Variants in FOXP2 observed in about 807,000 individuals in gnomAD.
FOXP2 encodes the protein forkhead box P2, also known as forkhead box protein P2.
FOXP2 carries 12 observed loss-of-function variants against 115.8 expected under a neutral mutation model. The ratio of observed to expected loss-of-function variants is 0.10; its 90% confidence interval spans 0.07 to 0.17. The LOEUF (loss-of-function observed/expected upper bound fraction) is 0.17. FOXP2 is among the 10% of genes least tolerant of loss of function. FOXP2 has a pLI of 1.00. For missense variants in FOXP2, 629 were observed against 843.5 expected (o/e 0.75, Z 3.15); for synonymous variants, 328 against 297.7 (o/e 1.10, Z -1.05).
At chr7:114,548,045 G>A (rs547635527) in intron 3 of FOXP2, among the ~76,000 whole-genome samples, 1 of 152,296 alleles carries the variant, frequency 6.6e-6, no homozygotes, top group African/African-American at 2.4e-5. Flanking sequence ...TCAAGGATGA[G>A]ACAGAGGACC....
At chr7:114,471,554 T>C (rs1318662568) in intron 2 of FOXP2, among the ~76,000 whole-genome samples, 2 of 152,206 alleles carry the variant, frequency 1.3e-5, no homozygotes, top group African/African-American at 2.4e-5. Flanking sequence ...AATATTGTCT[T>C]CCTCATGAAA....
chr7:114,536,397 C>CTTTTTTTTTTTTTTTTTTT (rs3997242), intron 3 of FOXP2, among the ~76,000 whole-genome samples: 3 of 112,372 alleles, frequency 2.7e-5, no homozygotes, highest in Non-Finnish European at 5.5e-5. Context: ...TTTTTCTTTT[C>CTTTTTTTTTTTTTTTTTTT]TTTTTTTTTT....
intron 2 of FOXP2, among the ~76,000 whole-genome samples, chr7:114,491,277 T>C (rs1797038540): frequency 6.6e-6 from 1 of 152,260 alleles, no homozygotes; most frequent in Non-Finnish European, 1.5e-5. Context: ...CATTTTTTCA[T>C]GTGTCTTTTG....
chr7:114,167,286 A>T (rs1793007901), intron 1 of FOXP2, among the ~76,000 whole-genome samples: 1 of 152,238 alleles, frequency 6.6e-6, no homozygotes, highest in African/African-American at 2.4e-5. Flanking sequence ...ACAAAGAGAC[A>T]TGGAAAAACC....
At chr7:114,271,513 A>G (rs1203268908) in intron 1 of FOXP2, among the ~76,000 whole-genome samples, 2 of 131,456 alleles carry the variant, frequency 1.5e-5, no homozygotes, top group Admixed American at 9.0e-5. Context: ...TTAATAATAT[A>G]ATATTAATAT....
intron 2 of FOXP2, among the ~76,000 whole-genome samples, chr7:114,331,269 T>C (rs1265069715): frequency 1.3e-5 from 2 of 152,208 alleles, no homozygotes; most frequent in African/African-American, 4.8e-5. Context: ...GAGCCTGTAA[T>C]AAAGTCCTGT....
chr7:114,664,609 C>T, intron 16 of FOXP2, 173 bp downstream of exon 16: 1 of 729,966 alleles, frequency 1.4e-6, no homozygotes, highest in Non-Finnish European at 2.2e-6. Flanking sequence ...GGTTTTAATA[C>T]ATTTTTTAGA....
chr7:114,533,617 A>G (rs1482877982), intron 2 of FOXP2, among the ~76,000 whole-genome samples: 1 of 151,942 alleles, frequency 6.6e-6, no homozygotes, highest in Non-Finnish European at 1.5e-5. Flanking sequence ...TCTTGTATTC[A>G]AAAACAGTAA....
chr7:114,261,075 T>C (rs182602121), intron 1 of FOXP2, among the ~76,000 whole-genome samples: 2 of 152,320 alleles, frequency 1.3e-5, no homozygotes, highest in Admixed American at 1.3e-4. Context: ...GCAATGAAGT[T>C]CCCTTTTGTT....
chr7:114,310,067 A>G (rs1797110100), intron 2 of FOXP2, among the ~76,000 whole-genome samples: 1 of 152,186 alleles, frequency 6.6e-6, no homozygotes, highest in Non-Finnish European at 1.5e-5. Context: ...GACAAAGCTC[A>G]TAAAGTGGAG....
At chr7:114,147,218 A>G (rs970789286) in intron 1 of FOXP2, among the ~76,000 whole-genome samples, 1 of 152,194 alleles carries the variant, frequency 6.6e-6, no homozygotes, top group African/African-American at 2.4e-5. Flanking sequence ...CAAATAGATT[A>G]TTTATATGAT....
upstream of FOXP2, among the ~76,000 whole-genome samples, chr7:114,158,869 A>G (rs962280319): frequency 6.6e-6 from 1 of 152,100 alleles, no homozygotes; most frequent in South Asian, 2.1e-4. Context: ...CCTTGGTCTG[A>G]GAGCAATCCT....
intron 16 of FOXP2, among the ~76,000 whole-genome samples, chr7:114,676,075 ATTTT>A (rs11327459): frequency 6.5e-4 from 58 of 89,562 alleles, no homozygotes; most frequent in Non-Finnish European, 1.1e-3. Flanking sequence ...AGGCCCGGCT[ATTTT>A]TTTTTTTTTT....
chr7:114,245,665 G>T (rs941617378), intron 1 of FOXP2, among the ~76,000 whole-genome samples: 2 of 152,094 alleles, frequency 1.3e-5, no homozygotes, highest in Admixed American at 6.6e-5. Context: ...ATTTATCTCA[G>T]ATTATTCATA....
At chr7:114,320,067 T>A (rs991852187) in intron 2 of FOXP2, among the ~76,000 whole-genome samples, 6 of 151,272 alleles carry the variant, frequency 4.0e-5, no homozygotes, top group African/African-American at 1.5e-4. Context: ...AGTAGAAGAA[T>A]GAGGTGGGAT....
At chr7:114,665,660 T>C (rs1394582415) in intron 16 of FOXP2, 2 of 152,138 alleles carry the variant, frequency 1.3e-5, no homozygotes, top group African/African-American at 4.8e-5. Context: ...TCCGAACCAT[T>C]ACTTCTTCAA....
chr7:114,322,227 T>C (rs1025066897), intron 2 of FOXP2, among the ~76,000 whole-genome samples: 3 of 151,872 alleles, frequency 2.0e-5, no homozygotes, highest in African/African-American at 4.8e-5. Context: ...ACTATATTAT[T>C]GCTCAGGCTG....
chr7:114,211,849 G>T (rs1217335693), intron 1 of FOXP2, among the ~76,000 whole-genome samples: 1 of 152,092 alleles, frequency 6.6e-6, no homozygotes, highest in Admixed American at 6.6e-5. Flanking sequence ...AGGGAGGGCA[G>T]ATCACCTGAG....
At chr7:114,550,292 A>G (rs1313576391) in intron 3 of FOXP2, among the ~76,000 whole-genome samples, 2 of 151,254 alleles carry the variant, frequency 1.3e-5, no homozygotes, top group Non-Finnish European at 3.0e-5. Flanking sequence ...TAATTTTTGT[A>G]TTTTTAGTAG....
Sources: allele counts gnomAD v4.1 joint callset (sites outside exome capture counted in the v4.1 genomes callset), GRCh38; gene constraint gnomAD v4.1.1; transcripts MANE v1.5; gene names NCBI Gene and HGNC (gene_info 2026-07-23, HGNC 2026-07-21).